PIEZO2: variants seen among roughly 807,000 people sequenced by gnomAD.
PIEZO2 encodes piezo-type mechanosensitive ion channel component 2.
In PIEZO2, 172 loss-of-function variants were observed where a neutral mutation model predicts 337.3. The observed-to-expected ratio is 0.51, with a 90% CI of 0.45 to 0.58. The LOEUF (loss-of-function observed/expected upper bound fraction) is 0.58. Among genes scored for constraint, PIEZO2 ranks in the 20% least tolerant of loss-of-function variants. The pLI, the probability that PIEZO2 is intolerant of heterozygous loss-of-function variation, is 0.00. For missense variants in PIEZO2, 3,028 were observed against 3,391.3 expected, an observed-to-expected ratio of 0.89 and a Z score of 2.66; for synonymous variants, 1,251 against 1,228.5, an observed-to-expected ratio of 1.02 and a Z score of -0.38.
chr18:10,699,970 G>A lies in PIEZO2; in HGVS notation c.6442-793C>T, dbSNP rs906537356. ...AAATCAGTTGGTCAAAACCAACTCC[G>A]AGAATGATCAATCCACCAGTCACTC... is the stretch of plus-strand genomic sequence containing the variant. On this transcript the variant is annotated intron_variant, in intron 43 of 55. Transcript: ENST00000674853. Among the ~76,000 whole-genome samples the A allele has an allele frequency of 4.6e-5, 7 of 152,306 alleles. 1 individual carries two copies. The South Asian group carries it at 8.3e-4, about 18-fold the overall frequency.
At chr18:10,762,359 G>GTTAAAA in intron 23 of PIEZO2, 141 bp downstream of exon 23, 1 of 1,049,854 alleles carries the variant, frequency 9.5e-7, no homozygotes, top group South Asian at 1.7e-5. Context: ...AACACTTAGA[G>GTTAAAA]TTTGTTGCAA....
Position 10,895,049 on chromosome 18 carries a change from C to T in PIEZO2, c.329+16137G>A, listed in dbSNP as rs1568174334. On this transcript the variant is annotated intron_variant, in intron 4 of 55. Coordinates refer to ENST00000674853, the MANE Select transcript of PIEZO2 (RefSeq NM_001378183.1). This position sits in a 1 kb window ranked among gnomAD's most constrained non-coding sequence, Gnocchi z 4.8. ...TGCTCTTGCATGGTCATTCCTCCCC[C>T]TGAAGCCTCAGTGGGCTGTCATTTG... Among the ~76,000 whole-genome samples the T allele has an allele frequency of 6.6e-6, 1 of 152,242 alleles. No homozygotes were observed. Among genetic ancestry groups the T allele is most frequent in the African/African-American group, 2.4e-5 (1 of 41,466 alleles).
At chr18:10,926,113 C>T (rs1206391509) in intron 3 of PIEZO2, among the ~76,000 whole-genome samples, 5 of 152,148 alleles carry the variant, frequency 3.3e-5, no homozygotes, top group Admixed American at 3.3e-4. Flanking sequence ...GAGAAAGCTA[C>T]AGAAAACTAG....
rs1389848340 is a variant in PIEZO2, at chr18:10,705,662, C to A, written c.5673G>T (p.Glu1891Asp). 8 of 1,537,104 alleles carry A rather than the reference C, an allele frequency of 5.2e-6. No homozygotes were observed. Among genetic ancestry groups the A allele is most frequent in the Middle Eastern group, 3.3e-4 (2 of 5,992 alleles). The change falls in exon 41 of 56, where the codon GAG becomes GAT. Residue 1891 changes from glutamate to aspartate, a missense_variant. This residue lies in a region of PIEZO2 where 1,925 missense variants were observed against 2,051.9 expected (regional missense o/e 0.94). Transcript: ENST00000674853. Reference protein sequence around the residue: ...IEEVEAEQEEEAGSTAPEPRE... With the variant: ...IEEVEAEQEEDAGSTAPEPRE... ...TGGGCTCAGGCGCCGTGCTCCCTGC[C>A]TCCTCCTCCTGCTCAGCCTCCACCT...
intron 1 of PIEZO2, among the ~76,000 whole-genome samples, chr18:11,134,318 C>T (rs2040421951): frequency 6.6e-6 from 1 of 152,182 alleles, no homozygotes; most frequent in Non-Finnish European, 1.5e-5. Flanking sequence ...GCTGGAATAT[C>T]TAGTTTCTAA....
At chr18:10,946,728 G>A (rs2033043308) in intron 3 of PIEZO2, among the ~76,000 whole-genome samples, 1 of 152,120 alleles carries the variant, frequency 6.6e-6, no homozygotes, top group African/African-American at 2.4e-5. Flanking sequence ...AACCTCAATA[G>A]GGGAACTACT....
At chr18:11,005,399 G>A (rs2035682812) in intron 2 of PIEZO2, among the ~76,000 whole-genome samples, 1 of 152,176 alleles carries the variant, frequency 6.6e-6, no homozygotes, top group African/African-American at 2.4e-5. Context: ...ATCTTTGGAA[G>A]AAATGTAGTT....
At chr18:11,061,974 A>G (rs1164702425) in intron 2 of PIEZO2, among the ~76,000 whole-genome samples, 5 of 152,216 alleles carry the variant, frequency 3.3e-5, no homozygotes, top group Non-Finnish European at 7.3e-5. Context: ...CAAAAGAACA[A>G]AGCTGGAGGC....
At chr18:10,976,122 C>G (rs2145466456) in intron 3 of PIEZO2, among the ~76,000 whole-genome samples, 1 of 152,200 alleles carries the variant, frequency 6.6e-6, no homozygotes, top group Non-Finnish European at 1.5e-5. Flanking sequence ...TTTCCATTAC[C>G]CACACTAACA....
chr18:10,887,324 C>CTCAGCA (rs1035440632), intron 4 of PIEZO2, among the ~76,000 whole-genome samples: 5 of 151,968 alleles, frequency 3.3e-5, no homozygotes, highest in African/African-American at 9.7e-5. Flanking sequence ...CCACCTCAGC[C>CTCAGCA]TCCCAAAGTT....
chr18:10,674,253 C>A (rs1454122324), intron 54 of PIEZO2, among the ~76,000 whole-genome samples: 1 of 152,188 alleles, frequency 6.6e-6, no homozygotes, highest in Non-Finnish European at 1.5e-5. Flanking sequence ...ACAGAGTCAC[C>A]TCAGGAAGAG....
At chr18:11,036,083 T>C (rs550680977) in intron 2 of PIEZO2, among the ~76,000 whole-genome samples, 7 of 152,328 alleles carry the variant, frequency 4.6e-5, no homozygotes, top group Non-Finnish European at 7.4e-5. Flanking sequence ...TCACAGTTCA[T>C]AGGAGATTCT....
rs2034707165 is a variant in PIEZO2, at chr18:10,982,495, C to T, written c.161-2835G>A. ...CAAAATTTAGTCTAAAAATTCAGTA[C>T]AGTTTAAAATAAAATGCCAGTAGAA... On this transcript the variant is annotated intron_variant, in intron 2 of 55. Transcript: ENST00000674853. This position sits in a 1 kb window ranked among gnomAD's most constrained non-coding sequence, Gnocchi z 4.1. 6.6e-6 allele frequency among the ~76,000 whole-genome samples: 1 copy of T among 152,058 alleles called. No homozygotes were observed. The highest frequency in any genetic ancestry group is 2.4e-5 in the African/African-American group (1 of 41,410).
At chr18:11,058,723 G>GA (rs1207295711) in intron 2 of PIEZO2, among the ~76,000 whole-genome samples, 1 of 152,132 alleles carries the variant, frequency 6.6e-6, no homozygotes, top group Non-Finnish European at 1.5e-5. Context: ...GAAGCTTAGA[G>GA]AAAAAAGAAT....
In PIEZO2 at chr18:10,705,704, G is replaced by A. The variant is rs1350581415; in HGVS notation, c.5631C>T (p.Thr1877=). The change falls in exon 41 of 56, where the codon ACC becomes ACT. Residue 1877 remains threonine (T), a synonymous_variant. Transcript: ENST00000674853. ...CCTCCACCTCCTCGATGGTCTCAGT[G>A]GTCCCCTGGCGTGAGTACAGCATGG... The part of the protein sequence containing the change: ...QCTMLYSRQG[T]TETIEEVEAE... 7.2e-6 allele frequency: 11 copies of A among 1,536,318 alleles called. No homozygotes were observed. Among genetic ancestry groups the A allele is most frequent in the African/African-American group, 1.4e-5 (1 of 73,004 alleles).
At chr18:10,866,293 T>A (rs1416750326) in intron 5 of PIEZO2, among the ~76,000 whole-genome samples, 2 of 151,818 alleles carry the variant, frequency 1.3e-5, no homozygotes, top group Non-Finnish European at 2.9e-5. Flanking sequence ...CCTGCCTTTT[T>A]TTTTTTTTTT....
intron 2 of PIEZO2, among the ~76,000 whole-genome samples, chr18:11,051,719 G>A (rs952560080): frequency 6.6e-6 from 1 of 152,216 alleles, no homozygotes; most frequent in Non-Finnish European, 1.5e-5. Flanking sequence ...CCACTTTACT[G>A]ATAATATCAG....
In PIEZO2 at chr18:10,783,747, C is replaced by T. The variant is rs574005536; in HGVS notation, c.2492+1037G>A. ...TCATCTGAAGTATCAGAATGATAGG[C>T]GAAACACAACACAATAAGAAAAGTG... is the stretch of plus-strand genomic sequence containing the variant. On this transcript the variant is annotated intron_variant, in intron 17 of 55. Coordinates refer to ENST00000674853, the MANE Select transcript of PIEZO2 (RefSeq NM_001378183.1). This position sits in a 1 kb window ranked among gnomAD's most constrained non-coding sequence, Gnocchi z 4.3. Among the ~76,000 whole-genome samples, 26 of 152,100 alleles carry T rather than the reference C, an allele frequency of 1.7e-4. No homozygotes were observed. The highest frequency in any genetic ancestry group is 5.8e-4 in the African/African-American group (24 of 41,468).
At chr18:10,906,542 C>A (rs1296543620) in intron 4 of PIEZO2, among the ~76,000 whole-genome samples, 1 of 151,870 alleles carries the variant, frequency 6.6e-6, no homozygotes, top group Non-Finnish European at 1.5e-5. Flanking sequence ...ACTGAGAGAT[C>A]ACTATGATAG....
Sources: gnomAD v4.1 joint callset for allele counts (sites outside exome capture counted in the v4.1 genomes callset) on GRCh38, gnomAD v4.1.1 for gene constraint, gnomAD v4.1.1 regional missense constraint, Gnocchi (gnomAD v3.1) non-coding constraint, MANE v1.5 for transcripts, NCBI Gene and HGNC (gene_info 2026-07-23, HGNC 2026-07-21) for gene names.